Variants in GRM8 observed in about 807,000 individuals in gnomAD.
The protein encoded by GRM8 is glutamate metabotropic receptor 8.
In GRM8, 47 loss-of-function variants were observed where a neutral mutation model predicts 87.2. That is an observed-to-expected ratio of 0.54 (90% CI 0.43 to 0.69). The LOEUF (loss-of-function observed/expected upper bound fraction) is 0.69. Among genes scored for constraint, GRM8 ranks in the 30% least tolerant of loss-of-function variants. GRM8 has a pLI of 0.00. For missense variants in GRM8, 1,019 were observed against 1,139.2 expected (o/e 0.89, Z 1.52); for synonymous variants, 396 against 404.5 (o/e 0.98, Z 0.25).
intron 2 of GRM8, among the ~76,000 whole-genome samples, chr7:127,204,671 T>G (rs1189920781): frequency 6.6e-6 from 1 of 151,878 alleles, no homozygotes; most frequent in East Asian, 1.9e-4. Context: ...TTTTTTTTTT[T>G]TTATAACATA....
chr7:126,944,848 G>T (rs988951581), intron 3 of GRM8, among the ~76,000 whole-genome samples: 11 of 152,170 alleles, frequency 7.2e-5, no homozygotes, highest in Non-Finnish European at 4.4e-5. Context: ...CTAGCAAAAT[G>T]ATTCTAAAAT....
chr7:126,581,901 T>C (rs1336353786), intron 8 of GRM8, among the ~76,000 whole-genome samples: 1 of 152,188 alleles, frequency 6.6e-6, no homozygotes, highest in Non-Finnish European at 1.5e-5. Context: ...TTGTGTGTTC[T>C]GACTGCTCAA....
intron 3 of GRM8, among the ~76,000 whole-genome samples, chr7:126,958,045 C>T (rs1381613006): frequency 6.6e-6 from 1 of 152,130 alleles, no homozygotes; most frequent in Non-Finnish European, 1.5e-5. Context: ...AGGAAGGAGC[C>T]ACCTACTTGG....
At chr7:127,089,933 C>T (rs1455184594) in intron 3 of GRM8, among the ~76,000 whole-genome samples, 2 of 152,144 alleles carry the variant, frequency 1.3e-5, no homozygotes, top group Non-Finnish European at 2.9e-5. Context: ...TCTGCACATG[C>T]CCATCCCAAT....
chr7:127,094,658 C>G (rs935153974), intron 3 of GRM8, among the ~76,000 whole-genome samples: 1 of 152,222 alleles, frequency 6.6e-6, no homozygotes, highest in African/African-American at 2.4e-5. Context: ...AGGTTTCTGG[C>G]TCCCAAACTG....
At chr7:126,624,159 AAAT>A (rs1800448781) in intron 7 of GRM8, among the ~76,000 whole-genome samples, 1 of 152,200 alleles carries the variant, frequency 6.6e-6, no homozygotes, top group South Asian at 2.1e-4. Context: ...AACACAAATC[AAAT>A]AATATCCCTC....
rs71177600 is a variant in GRM8 at position 127,232,212 on chromosome 7, T to TGAGA, written c.510+10479_510+10482dup. Among the ~76,000 whole-genome samples, 43 of 143,646 alleles carry TGAGA rather than the reference T, an allele frequency of 3.0e-4. No individual in the cohort carries two copies. In the East Asian group the frequency reaches 5.1e-3, roughly 17 times the overall value. 94.2% of individuals were successfully genotyped at this position (143,646 alleles called of 152,430 possible). A position where few individuals can be genotyped will look rare whatever the true frequency, so the allele number is the denominator to read the frequency against. On this transcript the variant is annotated intron_variant, in intron 2 of 10. Transcript: ENST00000339582. ...GTGTGTGTGTGTGTGTGTGTGTGTG[T>TGAGA]GAGAGAGAGAGAGAGAGAGAGAGAG...
At chr7:126,648,256 T>C (rs961640172) in intron 7 of GRM8, among the ~76,000 whole-genome samples, 1 of 152,196 alleles carries the variant, frequency 6.6e-6, no homozygotes, top group African/African-American at 2.4e-5. Flanking sequence ...ATACCTATCA[T>C]AGTTCACAGA....
intron 2 of GRM8, among the ~76,000 whole-genome samples, chr7:127,201,866 A>G (rs1795629567): frequency 6.6e-6 from 1 of 152,224 alleles, no homozygotes; most frequent in Non-Finnish European, 1.5e-5. Context: ...ATAAGTGGGA[A>G]AAACCATTGT....
chr7:126,946,585 T>C (rs1460910996), intron 3 of GRM8, among the ~76,000 whole-genome samples: 1 of 152,154 alleles, frequency 6.6e-6, no homozygotes, highest in Non-Finnish European at 1.5e-5. Flanking sequence ...TGATAAACCA[T>C]GTTCAGGAGA....
chr7:126,619,655 G>C (rs563250574), intron 7 of GRM8, among the ~76,000 whole-genome samples: 1 of 151,792 alleles, frequency 6.6e-6, no homozygotes, highest in South Asian at 2.1e-4. Flanking sequence ...CATCCTATAC[G>C]TTAGGTATTT....
chr7:127,230,681 A>G (rs893077508), intron 2 of GRM8, among the ~76,000 whole-genome samples: 12 of 152,150 alleles, frequency 7.9e-5, no homozygotes, highest in Non-Finnish European at 1.6e-4. Context: ...GAGACAGGAG[A>G]GAGCTTTTCT....
chr7:126,841,564 A>G (rs1190843884), intron 6 of GRM8, among the ~76,000 whole-genome samples: 1 of 152,156 alleles, frequency 6.6e-6, no homozygotes, highest in East Asian at 1.9e-4. Flanking sequence ...ATGAACATGC[A>G]TTAGGTAAAA....
At chr7:126,713,707 TG>T (rs1811384841) in intron 7 of GRM8, among the ~76,000 whole-genome samples, 1 of 149,434 alleles carries the variant, frequency 6.7e-6, no homozygotes, top group Non-Finnish European at 1.5e-5. Flanking sequence ...GGCTAGTGGG[TG>T]GGGAAAATGA....
intron 7 of GRM8, among the ~76,000 whole-genome samples, chr7:126,712,766 T>A (rs1811244901): frequency 6.6e-6 from 1 of 151,760 alleles, no homozygotes; most frequent in Non-Finnish European, 1.5e-5. Flanking sequence ...AAAAACCCCA[T>A]CAAAAAGTGG....
rs1807477173 is a variant in GRM8, at chr7:126,945,858, C to G, written c.728-41175G>C. ...GCACACATAAAGGCCTGGAAGAATACACAGAATTATTAATAGTGTAACTTA... is the reference window on the plus strand; with the variant it reads ...GCACACATAAAGGCCTGGAAGAATAGACAGAATTATTAATAGTGTAACTTA... On this transcript the variant is annotated intron_variant, in intron 3 of 10. Coordinates refer to ENST00000339582, the MANE Select transcript of GRM8 (RefSeq NM_000845.3). Among the ~76,000 whole-genome samples, 3 of 152,144 alleles carry G rather than the reference C, an allele frequency of 2.0e-5. No homozygotes were observed. In the South Asian group the frequency reaches 6.2e-4, roughly 31 times the overall value.
At chr7:126,943,395 T>A (rs1807184357) in intron 3 of GRM8, among the ~76,000 whole-genome samples, 3 of 152,130 alleles carry the variant, frequency 2.0e-5, no homozygotes, top group Admixed American at 2.0e-4. Context: ...CAGATCAAAG[T>A]AGCTAAAGAT....
intron 3 of GRM8, among the ~76,000 whole-genome samples, chr7:126,970,499 T>C (rs1003483445): frequency 6.6e-6 from 1 of 152,144 alleles, no homozygotes; most frequent in Non-Finnish European, 1.5e-5. Flanking sequence ...CTTTATAAAA[T>C]TGAGGAGAGT....
At position 127,243,075 on chromosome 7, in the gene GRM8, C is replaced by G; in HGVS notation, c.130G>C (p.Gly44Arg). ...QEYAHSIRVD[G>R]DIILGGLFPV... Reference sequence around the variant, plus strand: ...AAGAGACCCCCCAAAATAATGTCCCCATCCACCCGTATGGAATGGGCATAC... The same window carrying G: ...AAGAGACCCCCCAAAATAATGTCCCGATCCACCCGTATGGAATGGGCATAC... Residue 44 changes from glycine (G) to arginine (R), a missense_variant, in exon 2 of 11, where the codon GGG becomes CGG. Gly to Arg is a moderately radical substitution (Grantham distance 125). Transcript: ENST00000339582. The G allele has an allele frequency of 6.2e-7, 1 of 1,614,094 alleles. No homozygotes were observed. Among genetic ancestry groups the G allele is most frequent in the East Asian group, 2.2e-5 (1 of 44,876 alleles).
Sources: gnomAD v4.1 joint callset for allele counts (sites outside exome capture counted in the v4.1 genomes callset) on GRCh38, gnomAD v4.1.1 for gene constraint, MANE v1.5 for transcripts, NCBI Gene and HGNC (gene_info 2026-07-23, HGNC 2026-07-21) for gene names.